Variants in EGFLAM observed in about 807,000 individuals in gnomAD.
The protein encoded by EGFLAM is pikachurin.
In EGFLAM, 79 loss-of-function variants were observed where a neutral mutation model predicts 113.1. The ratio of observed to expected loss-of-function variants is 0.70; its 90% CI spans 0.58 to 0.84. The LOEUF (loss-of-function observed/expected upper bound fraction) is 0.84, where lower values mean the gene tolerates loss of function less well. Ranked by LOEUF, EGFLAM falls within the 40% of genes least tolerant of loss-of-function variation. The pLI is 0.00. For synonymous variants in EGFLAM, 504 were observed against 487.6 expected, an observed-to-expected ratio of 1.03 and a Z score of -0.44; for missense variants, 1,265 against 1,291.6, an observed-to-expected ratio of 0.98 and a Z score of 0.32.
intron 1 of EGFLAM, among the ~76,000 whole-genome samples, chr5:38,335,846 T>C (rs1739168769): frequency 6.6e-6 from 1 of 152,222 alleles, no homozygotes; most frequent in Non-Finnish European, 1.5e-5. Flanking sequence ...ATTAGATCTC[T>C]GTGAGTTGCA....
chr5:38,289,001 G>A (rs1758238474), intron 1 of EGFLAM, among the ~76,000 whole-genome samples: 2 of 152,116 alleles, frequency 1.3e-5, no homozygotes, highest in South Asian at 4.1e-4. Flanking sequence ...AACCCTCTGT[G>A]GCTCATCTCC....
At chr5:38,351,260 C>A (rs1739616599) in intron 4 of EGFLAM, among the ~76,000 whole-genome samples, 1 of 152,084 alleles carries the variant, frequency 6.6e-6, no homozygotes, top group African/African-American at 2.4e-5. Context: ...AGTCACATGC[C>A]ATCACACCTG....
At chr5:38,326,589 C>T (rs887837178) in intron 1 of EGFLAM, among the ~76,000 whole-genome samples, 6 of 152,070 alleles carry the variant, frequency 3.9e-5, no homozygotes, top group Admixed American at 3.3e-4. Context: ...AGCTCTGCCT[C>T]CCAGGTTCAT....
intron 1 of EGFLAM, among the ~76,000 whole-genome samples, chr5:38,336,418 C>G (rs1739185307): frequency 6.6e-6 from 1 of 152,122 alleles, no homozygotes; most frequent in Non-Finnish European, 1.5e-5. Context: ...CTAGAAAATA[C>G]AAAAGATTAG....
At chr5:38,426,488 C>T (rs534911992) in intron 13 of EGFLAM, among the ~76,000 whole-genome samples, 1 of 152,062 alleles carries the variant, frequency 6.6e-6, no homozygotes, top group Non-Finnish European at 1.5e-5. Flanking sequence ...CCTAAGATAC[C>T]ATATTGGGGA....
At chr5:38,459,067 C>T (rs1322013146) in intron 20 of EGFLAM, among the ~76,000 whole-genome samples, 1 of 151,808 alleles carries the variant, frequency 6.6e-6, no homozygotes, top group African/African-American at 2.4e-5. Context: ...GACAGGTTCT[C>T]GCTCTGTCAC....
At chr5:38,426,183 G>T (rs529993840) in intron 13 of EGFLAM, among the ~76,000 whole-genome samples, 4 of 151,556 alleles carry the variant, frequency 2.6e-5, no homozygotes, top group Admixed American at 2.6e-4. Context: ...TTTTTGTACT[G>T]TTCTACTAAA....
chr5:38,267,433 T>C (rs1268539102), intron 1 of EGFLAM, among the ~76,000 whole-genome samples: 1 of 152,202 alleles, frequency 6.6e-6, no homozygotes, highest in African/African-American at 2.4e-5. Context: ...AGATGGCTAA[T>C]TTGATTGATC....
Position 38,350,528 on chromosome 5 carries a change from G to A in EGFLAM, c.319G>A (p.Gly107Ser). 1.9e-6 allele frequency: 3 copies of A among 1,613,928 alleles called. No individual in the cohort carries two copies. The South Asian group carries it at 3.3e-5, about 18-fold the overall frequency. ...TEEVIGDLKP[G>S]TEYRVSIAAY... The stretch of plus-strand genomic sequence containing the variant: ...GGAAGTGATTGGAGATTTGAAACCA[G>A]GCACTGAATATCGTGTGAGCATAGC... The change falls in exon 4 of 22, where the codon GGC becomes AGC. Residue 107 changes from glycine (G) to serine (S), a missense_variant. Gly to Ser is a moderately conservative substitution (Grantham distance 56, BLOSUM62 0). Coordinates refer to ENST00000322350, the MANE Select transcript of EGFLAM (RefSeq NM_152403.4).
At position 38,458,370 on chromosome 5, in the gene EGFLAM, G is replaced by A. The variant is rs202035735; in HGVS notation, c.2747G>A (p.Arg916Gln). 216 of 1,613,882 alleles carry A rather than the reference G, an allele frequency of 1.3e-4. No homozygotes were observed. The highest frequency in any genetic ancestry group is 1.6e-4 in the Non-Finnish European group (184 of 1,179,970). Reference sequence around the variant, plus strand: ...GTGAATGGCTCCTTCAACGATGGTCGGTGGCACCGAGTTAAGGCCGTTAGG... The same window carrying A: ...GTGAATGGCTCCTTCAACGATGGTCAGTGGCACCGAGTTAAGGCCGTTAGG... Reference protein sequence around the residue: ...IMVNGSFNDGRWHRVKAVRDG... With the variant: ...IMVNGSFNDGQWHRVKAVRDG... The change falls in exon 20 of 22, where the codon CGG becomes CAG. Residue 916 changes from arginine to glutamine, a missense_variant. Coordinates refer to ENST00000322350, the MANE Select transcript of EGFLAM (RefSeq NM_152403.4).
chr5:38,293,208 T>A (rs1758375953), intron 1 of EGFLAM, among the ~76,000 whole-genome samples: 1 of 152,230 alleles, frequency 6.6e-6, no homozygotes, highest in Non-Finnish European at 1.5e-5. Context: ...GTTGTTTTTG[T>A]ATGAAAGAAC....
intron 1 of EGFLAM, among the ~76,000 whole-genome samples, chr5:38,280,447 C>A (rs1240703612): frequency 6.6e-6 from 1 of 152,200 alleles, no homozygotes; most frequent in Non-Finnish European, 1.5e-5. Flanking sequence ...TGGGAGGCAC[C>A]TAAAGGAGAT....
Position 38,313,116 on chromosome 5 carries a change from A to C in EGFLAM, c.98-24404A>C, listed in dbSNP as rs568210134. Among the ~76,000 whole-genome samples the C allele has an allele frequency of 1.4e-3, 213 of 152,260 alleles. 2 individuals are homozygous for C. The highest frequency in any genetic ancestry group is 5.4e-4 in the Non-Finnish European group (37 of 68,016). On this transcript the variant is annotated intron_variant, in intron 1 of 21. Transcript: ENST00000322350. Reference sequence around the variant, plus strand: ...CAAAAAAAATAAAATAAAATAAGTAAATAAAATATACAGAAAAGTAGACAT... The same window carrying C: ...CAAAAAAAATAAAATAAAATAAGTACATAAAATATACAGAAAAGTAGACAT...
intron 10 of EGFLAM, 149 bp downstream of exon 10, chr5:38,409,253 A>G (rs967165851): frequency 2.9e-6 from 2 of 685,016 alleles, no homozygotes; most frequent in Non-Finnish European, 2.4e-6. Context: ...CAGTTTACCA[A>G]ATACTGGTGT....
intron 3 of EGFLAM, among the ~76,000 whole-genome samples, chr5:38,347,293 C>G (rs1459773395): frequency 1.3e-5 from 2 of 152,138 alleles, no homozygotes. Flanking sequence ...AGAAGCATTG[C>G]TTGAGCATTT....
chr5:38,435,516 A>G (rs1742315369), intron 16 of EGFLAM, among the ~76,000 whole-genome samples: 1 of 152,124 alleles, frequency 6.6e-6, no homozygotes, highest in African/African-American at 2.4e-5. Context: ...CTACCAAACT[A>G]TATTAGGACT....
At chr5:38,400,211 A>C (rs1741070753) in intron 6 of EGFLAM, among the ~76,000 whole-genome samples, 1 of 152,196 alleles carries the variant, frequency 6.6e-6, no homozygotes, top group African/African-American at 2.4e-5. Flanking sequence ...CAACTACATC[A>C]TGTTGATATA....
intron 1 of EGFLAM, among the ~76,000 whole-genome samples, chr5:38,278,475 T>C (rs73073428): frequency 0.044 from 6,736 of 152,068 alleles, 480 homozygotes; most frequent in African/African-American, 0.15. Flanking sequence ...CTCTATAACA[T>C]TGATCTGGTC....
At chr5:38,262,794 A>G (rs891121692) in intron 1 of EGFLAM, among the ~76,000 whole-genome samples, 6 of 152,220 alleles carry the variant, frequency 3.9e-5, no homozygotes, top group Non-Finnish European at 5.9e-5. Context: ...AGACACGTGC[A>G]CGTAGAAGTC....
Sources: gnomAD v4.1 joint callset for allele counts (sites outside exome capture counted in the v4.1 genomes callset) on GRCh38, gnomAD v4.1.1 for gene constraint, MANE v1.5 for transcripts, NCBI Gene and HGNC (gene_info 2026-07-23, HGNC 2026-07-21) for gene names.